The following ROBO2 variants were observed in gnomAD, a reference collection of about 807,000 sequenced individuals.
ROBO2 encodes roundabout guidance receptor 2, also known as roundabout homolog 2.
In ROBO2, 53 loss-of-function variants were observed where a neutral mutation model predicts 160.8. The ratio of observed to expected loss-of-function variants is 0.33; its 90% CI spans 0.26 to 0.41. The LOEUF is 0.41. Ranked by LOEUF, ROBO2 falls within the 10% of genes least tolerant of loss-of-function variation. The pLI, the probability that ROBO2 is intolerant of heterozygous loss-of-function variation, is 1.00. For synonymous variants in ROBO2, 664 were observed against 611.7 expected (o/e 1.09, Z -1.26); for missense variants, 1,577 against 1,722.4 (o/e 0.92, Z 1.49).
chr3:76,958,270 C>T (rs2079418735), intron 2 of ROBO2, among the ~76,000 whole-genome samples: 2 of 152,134 alleles, frequency 1.3e-5, no homozygotes, highest in Non-Finnish European at 2.9e-5. Flanking sequence ...AGTCTGTTTT[C>T]TAAGCATTTA....
chr3:77,452,953 C>T (rs1246655445), intron 2 of ROBO2, among the ~76,000 whole-genome samples: 1 of 152,068 alleles, frequency 6.6e-6, no homozygotes, highest in Admixed American at 6.6e-5. Flanking sequence ...GGGTTCTTGT[C>T]AGGAATTCAT....
intron 2 of ROBO2, among the ~76,000 whole-genome samples, chr3:76,371,335 ATC>A (rs1336080619): frequency 6.6e-6 from 1 of 151,962 alleles, no homozygotes; most frequent in African/African-American, 2.4e-5. Flanking sequence ...GGTATTTACA[ATC>A]TGTTATGTAC....
chr3:77,304,752 A>G (rs908128985), intron 2 of ROBO2, among the ~76,000 whole-genome samples: 3 of 152,182 alleles, frequency 2.0e-5, no homozygotes, highest in Non-Finnish European at 2.9e-5. Context: ...TTTGTATTAG[A>G]AAATTTGATC....
chr3:77,050,644 G>C (rs1017404384), intron 1 of ROBO2, among the ~76,000 whole-genome samples: 1 of 146,838 alleles, frequency 6.8e-6, no homozygotes, highest in Non-Finnish European at 1.5e-5. Context: ...ATTTAATGTG[G>C]TGGTCTCAAA....
At chr3:77,580,304 T>C (rs2093882109) in intron 16 of ROBO2, among the ~76,000 whole-genome samples, 186 bp downstream of exon 17, 1 of 152,180 alleles carries the variant, frequency 6.6e-6, no homozygotes, top group Non-Finnish European at 1.5e-5. Context: ...GATCATGCTC[T>C]TAAAAGTCCC....
intron 21 of ROBO2, among the ~76,000 whole-genome samples, chr3:77,611,034 C>T (rs2094626981): frequency 6.6e-6 from 1 of 151,842 alleles, no homozygotes; most frequent in Non-Finnish European, 1.5e-5. Context: ...CGCGGTGGCT[C>T]ACACCTGTAA....
chr3:77,533,630 C>A (rs1319887056), intron 6 of ROBO2, among the ~76,000 whole-genome samples: 2 of 152,108 alleles, frequency 1.3e-5, no homozygotes, highest in Non-Finnish European at 2.9e-5. Context: ...GCCACCACAA[C>A]CTTCATAGCC....
At chr3:77,033,099 G>A (rs2149565181) in intron 2 of ROBO2, among the ~76,000 whole-genome samples, 2 of 152,236 alleles carry the variant, frequency 1.3e-5, no homozygotes, top group South Asian at 4.1e-4. Flanking sequence ...AGGCACTATT[G>A]TTATCTTTGT....
At chr3:76,113,585 A>G (rs531352183) in intron 2 of ROBO2, among the ~76,000 whole-genome samples, 1 of 152,256 alleles carries the variant, frequency 6.6e-6, no homozygotes, top group East Asian at 1.9e-4. Context: ...GGAATATCGG[A>G]GTACTTGAAG....
chr3:76,473,388 T>C (rs1397959127), intron 2 of ROBO2, among the ~76,000 whole-genome samples: 12 of 152,122 alleles, frequency 7.9e-5, no homozygotes, highest in Non-Finnish European at 1.5e-5. Flanking sequence ...ACCTACATGA[T>C]TATTTAACAA....
chr3:77,227,669 T>C (rs573459783), intron 2 of ROBO2, among the ~76,000 whole-genome samples: 2 of 152,316 alleles, frequency 1.3e-5, no homozygotes, highest in African/African-American at 4.8e-5. Context: ...AAGTGAAAAC[T>C]TGTTTGTATG....
rs55829903 is a variant in ROBO2, at chr3:76,141,116, G to GCTCT, written c.109+203555_109+203558dup. Among the ~76,000 whole-genome samples the GCTCT allele has an allele frequency of 7.2e-4, 12 of 16,688 alleles. 1 individual carries two copies. The highest frequency in any genetic ancestry group is 6.4e-3 in the East Asian group (2 of 314). 10.9% of individuals were successfully genotyped at this position (16,688 alleles called of 152,430 possible). A position where few individuals can be genotyped will look rare whatever the true frequency, so the allele number is the denominator to read the frequency against. On this transcript the variant is annotated intron_variant, in intron 2 of 26. Transcript: ENST00000487694. ...TGGGTTTATAGGTATGAGCTACCAT[G>GCTCT]CTCTCTCTCTCTCTCTCTCTCTCTC... is the stretch of plus-strand genomic sequence containing the variant.
chr3:77,594,722 C>T (rs2094258517), intron 17 of ROBO2, among the ~76,000 whole-genome samples: 2 of 152,114 alleles, frequency 1.3e-5, no homozygotes, highest in South Asian at 4.1e-4. Context: ...CATGTTGGAA[C>T]TTTCCTGTTT....
chr3:76,634,744 C>T (rs2090225983), intron 2 of ROBO2, among the ~76,000 whole-genome samples: 1 of 152,198 alleles, frequency 6.6e-6, no homozygotes, highest in African/African-American at 2.4e-5. Flanking sequence ...CATCCTATAA[C>T]ATAGAAGCCC....
chr3:76,392,559 A>G (rs1387360572), intron 2 of ROBO2, among the ~76,000 whole-genome samples: 1 of 152,172 alleles, frequency 6.6e-6, no homozygotes, highest in Non-Finnish European at 1.5e-5. Flanking sequence ...AATCTGGTAA[A>G]ATGTTCGCTT....
intron 2 of ROBO2, among the ~76,000 whole-genome samples, chr3:76,531,620 C>CTT (rs74266991): frequency 0.14 from 16,566 of 121,640 alleles, 1,211 homozygotes; most frequent in East Asian, 0.23. Context: ...TGTACAGTTT[C>CTT]TTTTTTTTTT....
intron 2 of ROBO2, among the ~76,000 whole-genome samples, chr3:76,748,116 T>A (rs2093923068): frequency 6.6e-6 from 1 of 151,914 alleles, no homozygotes; most frequent in Non-Finnish European, 1.5e-5. Flanking sequence ...CATTCATTAT[T>A]TTTGAAACCA....
intron 2 of ROBO2, among the ~76,000 whole-genome samples, chr3:75,973,198 A>G (rs938121020): frequency 6.6e-6 from 1 of 151,702 alleles, no homozygotes; most frequent in African/African-American, 2.4e-5. Context: ...AGGTCGTATT[A>G]GAAGGACTAT....
intron 2 of ROBO2, among the ~76,000 whole-genome samples, chr3:76,332,825 A>G (rs1016100759): frequency 6.6e-6 from 1 of 152,228 alleles, no homozygotes; most frequent in African/African-American, 2.4e-5. Flanking sequence ...TTTACACTGG[A>G]TATCAAAGTA....
Sources: allele counts gnomAD v4.1 joint callset (sites outside exome capture counted in the v4.1 genomes callset), GRCh38; gene constraint gnomAD v4.1.1; transcripts MANE v1.5; gene names NCBI Gene and HGNC (gene_info 2026-07-23, HGNC 2026-07-21).